CDH13: variants seen among roughly 807,000 people sequenced by gnomAD.
The protein encoded by CDH13 is cadherin 13.
CDH13 carries 24 observed loss-of-function variants against 63.8 expected under a neutral mutation model. The observed-to-expected ratio is 0.38, with a 90% CI of 0.27 to 0.53. The LOEUF (loss-of-function observed/expected upper bound fraction) is 0.53, where lower values mean the gene tolerates loss of function less well. CDH13 is among the 20% of genes least tolerant of loss of function. The pLI is 0.85. For missense variants in CDH13, 1,049 were observed against 903.1 expected (o/e 1.16, Z -2.07); for synonymous variants, 503 against 355.3 (o/e 1.42, Z -4.67).
intron 6 of CDH13, among the ~76,000 whole-genome samples, chr16:83,356,883 C>T (rs1299884171): frequency 6.6e-6 from 1 of 152,128 alleles, no homozygotes; most frequent in Non-Finnish European, 1.5e-5. Flanking sequence ...GTATAGTACC[C>T]AAGCTATTTT....
At chr16:82,676,161 C>G (rs906964757) in intron 1 of CDH13, among the ~76,000 whole-genome samples, 3 of 152,194 alleles carry the variant, frequency 2.0e-5, no homozygotes, top group African/African-American at 7.2e-5. Flanking sequence ...ACCTGACCAC[C>G]AATAATTCAT....
intron 7 of CDH13, among the ~76,000 whole-genome samples, chr16:83,500,616 A>G (rs2074263107): frequency 8.8e-6 from 1 of 114,218 alleles, no homozygotes; most frequent in Non-Finnish European, 1.8e-5. Flanking sequence ...TCTGTCACCC[A>G]GGCTGGAGTG....
At chr16:83,302,222 A>G (rs369009520) in intron 5 of CDH13, among the ~76,000 whole-genome samples, 1 of 152,192 alleles carries the variant, frequency 6.6e-6, no homozygotes, top group African/African-American at 2.4e-5. Flanking sequence ...CAGAATCCCT[A>G]ATTTTAAGCC....
intron 1 of CDH13, among the ~76,000 whole-genome samples, chr16:82,836,941 C>T (rs1479609428): frequency 2.0e-5 from 3 of 152,162 alleles, no homozygotes; most frequent in African/African-American, 7.2e-5. Context: ...ATCTTATTGC[C>T]AAATCTTAAT....
chr16:83,737,198 C>T (rs780539842), intron 10 of CDH13, among the ~76,000 whole-genome samples: 20 of 152,300 alleles, frequency 1.3e-4, no homozygotes, highest in Non-Finnish European at 2.8e-4. Context: ...TGGCAAAGAG[C>T]GCCTATTTCC....
At chr16:83,521,894 T>C (rs1041699082) in intron 7 of CDH13, among the ~76,000 whole-genome samples, 3 of 152,202 alleles carry the variant, frequency 2.0e-5, no homozygotes, top group African/African-American at 7.2e-5. Context: ...ATCATCCTAC[T>C]ATATGAGGTC....
chr16:82,789,968 A>T (rs1359663673), intron 1 of CDH13, among the ~76,000 whole-genome samples: 1 of 149,934 alleles, frequency 6.7e-6, no homozygotes, highest in Non-Finnish European at 1.5e-5. Context: ...ACCAGCCCCC[A>T]TCTCTGTCTA....
At chr16:83,189,893 G>C (rs150992777) in intron 4 of CDH13, among the ~76,000 whole-genome samples, 1 of 152,274 alleles carries the variant, frequency 6.6e-6, no homozygotes, top group African/African-American at 2.4e-5. Flanking sequence ...TCATGATAGT[G>C]AGTAAGTCTC....
At chr16:83,246,095 A>T (rs1904965630) in intron 5 of CDH13, among the ~76,000 whole-genome samples, 1 of 152,146 alleles carries the variant, frequency 6.6e-6, no homozygotes, top group Non-Finnish European at 1.5e-5. Context: ...ATTAGTTCTT[A>T]TTTATTGTTA....
At chr16:83,454,603 A>AAATTAGACTCAGC (rs2072971746) in intron 6 of CDH13, among the ~76,000 whole-genome samples, 1 of 152,074 alleles carries the variant, frequency 6.6e-6, no homozygotes, top group Non-Finnish European at 1.5e-5. Flanking sequence ...AGTCTAATTT[A>AAATTAGACTCAGC]TTTGGCCATT....
intron 6 of CDH13, among the ~76,000 whole-genome samples, chr16:83,374,633 T>A (rs1198634275): frequency 6.6e-6 from 1 of 152,194 alleles, no homozygotes; most frequent in Non-Finnish European, 1.5e-5. Context: ...AGTGATTTGT[T>A]TCGAGGCGGA....
chr16:82,627,341 TGTG>T (rs1907427440), intron 1 of CDH13, among the ~76,000 whole-genome samples: 1 of 10,844 alleles, frequency 9.2e-5, no homozygotes, highest in Admixed American at 1.9e-3. Flanking sequence ...GGCGTGCGTG[TGTG>T]TGTGTGTGTG....
intron 5 of CDH13, among the ~76,000 whole-genome samples, chr16:83,312,066 C>CA (rs5818437): frequency 0.56 from 53,027 of 94,672 alleles, 13,637 homozygotes; most frequent in South Asian, 0.63. Flanking sequence ...AACTCCATCT[C>CA]AAAAAAAAAA....
chr16:83,636,746 A>G (rs1911300246), intron 8 of CDH13, among the ~76,000 whole-genome samples: 1 of 152,172 alleles, frequency 6.6e-6, no homozygotes, highest in African/African-American at 2.4e-5. Flanking sequence ...TTTTCAGTAG[A>G]GTGACCTATT....
chr16:83,268,798 A>C (rs1244292257), intron 5 of CDH13, among the ~76,000 whole-genome samples: 1 of 152,208 alleles, frequency 6.6e-6, no homozygotes, highest in Non-Finnish European at 1.5e-5. Flanking sequence ...AGCTGGGCAC[A>C]GGTTCCTAAG....
chr16:83,102,948 CTTTTTTTT>C (rs71148813), intron 3 of CDH13, among the ~76,000 whole-genome samples: 1 of 69,028 alleles, frequency 1.4e-5, no homozygotes, highest in African/African-American at 7.0e-5. Flanking sequence ...TTTTCTTTTT[CTTTTTTTT>C]TTTTTTTTTT....
Position 82,695,304 on chromosome 16 carries a change from T to A in CDH13, c.45+68167T>A, listed in dbSNP as rs554129089. Among the ~76,000 whole-genome samples, 201 of 152,326 alleles carry A rather than the reference T, an allele frequency of 1.3e-3. 1 individual carries two copies. The highest frequency in any genetic ancestry group is 4.6e-3 in the African/African-American group (193 of 41,580). On this transcript the variant is annotated intron_variant, in intron 1 of 13. Transcript: ENST00000567109. ...GATCTTTCTGAATCCTCAGATGTAA[T>A]ATAAATTATTTGAAAGCAAATACCA...
intron 1 of CDH13, among the ~76,000 whole-genome samples, chr16:82,726,386 T>A (rs142551196): frequency 3.3e-5 from 5 of 152,378 alleles, no homozygotes; most frequent in Non-Finnish European, 7.3e-5. Flanking sequence ...AACTTTATTG[T>A]GGACATTGCA....
intron 2 of CDH13, among the ~76,000 whole-genome samples, chr16:82,883,107 G>T (rs1371760223): frequency 6.6e-6 from 1 of 152,144 alleles, no homozygotes; most frequent in African/African-American, 2.4e-5. Context: ...CTGTGACAAT[G>T]GGGTTTCACA....
Sources: allele counts gnomAD v4.1 joint callset (sites outside exome capture counted in the v4.1 genomes callset), GRCh38; gene constraint gnomAD v4.1.1; transcripts MANE v1.5; gene names NCBI Gene and HGNC (gene_info 2026-07-23, HGNC 2026-07-21).